UGT3A1: variants seen among roughly 807,000 people sequenced by gnomAD.
The protein encoded by UGT3A1 is UDP glycosyltransferase family 3 member A1.
A neutral mutation model predicts 37.6 loss-of-function variants in UGT3A1; 40 were observed. The ratio of observed to expected loss-of-function variants is 1.06; its 90% CI spans 0.83 to 1.38. UGT3A1 has a LOEUF of 1.38. Ranked by LOEUF, UGT3A1 falls within the 40% of genes most tolerant of loss-of-function variation. The pLI, the probability that UGT3A1 is intolerant of heterozygous loss-of-function variation, is 0.00. For missense variants in UGT3A1, 642 were observed against 634.2 expected, an observed-to-expected ratio of 1.01 and a Z score of -0.13; for synonymous variants, 256 against 232.3, an observed-to-expected ratio of 1.10 and a Z score of -0.93.
rs1739698928 is a variant in UGT3A1 at position 35,964,092 on chromosome 5, AAT to A, written c.843+1292_843+1293del. 8.1e-5 allele frequency among the ~76,000 whole-genome samples: 8 copies of A among 98,912 alleles called. No homozygotes were observed. The Admixed American group carries it at 9.3e-4, about 11-fold the overall frequency. The allele number at this position is 98,912 out of a possible 152,430, so 64.9% of individuals were successfully genotyped here. The stretch of plus-strand genomic sequence containing the variant: ...AATGCCACTGAAGCATACCCTTAAA[AAT>A]GGTTAAAGTGGTATATTTTATATTA... On this transcript the variant is annotated intron_variant, in intron 4 of 6. Transcript: ENST00000274278.
rs781253250 is a variant in UGT3A1 at position 35,957,326 on chromosome 5, G to A, written c.937C>T (p.Leu313Phe). ...MLNTHQSQEV[L>F]KKMHNAFAHL... Reference sequence around the variant, plus strand: ...GCAAAGGCATTGTGCATCTTCTTGAGGACTTCCTGGGACTGATGGGTGTTC... The same window carrying A: ...GCAAAGGCATTGTGCATCTTCTTGAAGACTTCCTGGGACTGATGGGTGTTC... Residue 313 changes from leucine (L) to phenylalanine (F), a missense_variant, in exon 5 of 7, where the codon CTC becomes TTC. Coordinates refer to ENST00000274278, the MANE Select transcript of UGT3A1 (RefSeq NM_152404.4). 6.2e-7 allele frequency: 1 copy of A among 1,614,164 alleles called. No individual in the cohort carries two copies. The highest frequency in any genetic ancestry group is 2.2e-5 in the East Asian group (1 of 44,868).
chr5:35,974,036 C>A (rs1288813814), intron 2 of UGT3A1, among the ~76,000 whole-genome samples: 2 of 152,084 alleles, frequency 1.3e-5, no homozygotes, highest in Non-Finnish European at 2.9e-5. Context: ...TACAAAAACA[C>A]AGACCTCAGA....
intron 2 of UGT3A1, among the ~76,000 whole-genome samples, chr5:35,987,608 A>G (rs1269627156): frequency 2.0e-5 from 3 of 152,190 alleles, no homozygotes; most frequent in Non-Finnish European, 4.4e-5. Flanking sequence ...TCAATCTAGA[A>G]GGTGATCAAA....
At chr5:35,964,680 G>A (rs541864631) in intron 4 of UGT3A1, among the ~76,000 whole-genome samples, 1 of 152,250 alleles carries the variant, frequency 6.6e-6, no homozygotes, top group African/African-American at 2.4e-5. Flanking sequence ...CCTCCCTATA[G>A]ATGTCAAGAT....
chr5:35,958,406 T>C (rs554838873), intron 4 of UGT3A1, among the ~76,000 whole-genome samples: 2 of 152,352 alleles, frequency 1.3e-5, no homozygotes, highest in Admixed American at 6.5e-5. Flanking sequence ...CCCCTCATTC[T>C]ACTGGGTCAT....
chr5:35,977,784 A>G (rs572942460), intron 2 of UGT3A1, among the ~76,000 whole-genome samples: 45 of 152,360 alleles, frequency 3.0e-4, no homozygotes, highest in African/African-American at 1.0e-3. Flanking sequence ...AATTAAAACA[A>G]GGCAAAATAA....
At chr5:35,957,119 G>A in intron 5 of UGT3A1, 69 bp downstream of exon 5, 1 of 1,356,764 alleles carries the variant, frequency 7.4e-7, no homozygotes, top group Non-Finnish European at 1.0e-6. Flanking sequence ...CCCAGCTAGA[G>A]GTCAGAACAC....
chr5:35,976,087 T>A (rs865895378), intron 2 of UGT3A1, among the ~76,000 whole-genome samples: 1 of 152,166 alleles, frequency 6.6e-6, no homozygotes. Context: ...CCTTATGCTC[T>A]TTCAGACTAG....
chr5:35,975,004 A>G (rs996215924), intron 2 of UGT3A1, among the ~76,000 whole-genome samples: 1 of 152,212 alleles, frequency 6.6e-6, no homozygotes, highest in African/African-American at 2.4e-5. Context: ...GGTATGTTAT[A>G]AGACCTATCT....
Position 35,954,371 on chromosome 5 carries a change from G to T in UGT3A1, c.1403C>A (p.Ala468Glu), listed in dbSNP as rs141907677. 4 of 1,614,030 alleles carry T rather than the reference G, an allele frequency of 2.5e-6. No homozygotes were observed. The highest frequency in any genetic ancestry group is 3.3e-5 in the Admixed American group (2 of 60,002). ...GAAGGCATAGGGCTTGAGGTGCGTC[G>T]CTCCCCCAGTCTGGAGGATGTGGTC... Reference protein sequence around the residue: ...WIDHILQTGGATHLKPYAFQQ... With the variant: ...WIDHILQTGGETHLKPYAFQQ... The change falls in exon 7 of 7, where the codon GCG (alanine) becomes GAG (glutamate). Residue 468 changes from alanine (A) to glutamate (E), a missense_variant. By Grantham distance (107) the Ala-to-Glu change is moderately radical. Coordinates refer to ENST00000274278, the MANE Select transcript of UGT3A1 (RefSeq NM_152404.4).
intron 4 of UGT3A1, 122 bp from the exon 5 acceptor site, chr5:35,957,541 G>T: frequency 1.3e-6 from 1 of 774,678 alleles, no homozygotes; most frequent in African/African-American, 1.7e-5. Context: ...TCACTCTCCC[G>T]AAGCTATTAT....
chr5:35,982,045 G>T (rs913575275), intron 2 of UGT3A1, among the ~76,000 whole-genome samples: 1 of 152,252 alleles, frequency 6.6e-6, no homozygotes. Flanking sequence ...GTGGAGTTAG[G>T]CCTACACATG....
chr5:35,983,412 T>A (rs1740607761), intron 2 of UGT3A1, among the ~76,000 whole-genome samples: 6 of 150,596 alleles, frequency 4.0e-5, no homozygotes, highest in Admixed American at 4.0e-4. Flanking sequence ...CATAATAGAG[T>A]CTCTCATTAA....
chr5:35,955,263 G>A (rs1235766242), intron 6 of UGT3A1: 5 of 360,624 alleles, frequency 1.4e-5, no homozygotes, highest in Non-Finnish European at 2.5e-5. Flanking sequence ...GAAGAGAAGG[G>A]AAGGGTGTTC....
chr5:35,978,797 C>T (rs1039382603), intron 2 of UGT3A1, among the ~76,000 whole-genome samples: 2 of 152,150 alleles, frequency 1.3e-5, no homozygotes, highest in Non-Finnish European at 2.9e-5. Context: ...GTCCACAGTC[C>T]AATGTCTCAT....
upstream of UGT3A1, among the ~76,000 whole-genome samples, chr5:35,994,790 C>A (rs1398588417): frequency 6.6e-6 from 1 of 152,146 alleles, no homozygotes; most frequent in African/African-American, 2.4e-5. Context: ...AAAAGGAACT[C>A]TAAGTTATGG....
intron 4 of UGT3A1, among the ~76,000 whole-genome samples, chr5:35,958,095 A>T (rs1171815734): frequency 2.0e-5 from 3 of 152,246 alleles, no homozygotes; most frequent in African/African-American, 7.2e-5. Flanking sequence ...ATTGTTGATG[A>T]TATTTCATAT....
In UGT3A1 at chr5:35,965,349, A is replaced by G. The variant is rs1322843693; in HGVS notation, c.843+37T>C. ...CACCAACTATGCACCCAAGGACTCT[A>G]TGTGAATCCCAAACTGAATGCTGAG... On this transcript the variant is annotated intron_variant, in intron 4 of 6. Coordinates refer to ENST00000274278, the MANE Select transcript of UGT3A1 (RefSeq NM_152404.4). The G allele has an allele frequency of 3.1e-6, 5 of 1,598,556 alleles. No homozygotes were observed. In the South Asian group the frequency reaches 3.4e-5, roughly 11 times the overall value.
chr5:35,977,467 G>T (rs1173839536), intron 2 of UGT3A1, among the ~76,000 whole-genome samples: 2 of 152,184 alleles, frequency 1.3e-5, no homozygotes, highest in Non-Finnish European at 2.9e-5. Context: ...GATACCTCAT[G>T]GACAGCTTGG....
Sources: gnomAD v4.1 joint callset for allele counts (sites outside exome capture counted in the v4.1 genomes callset) on GRCh38, gnomAD v4.1.1 for gene constraint, MANE v1.5 for transcripts, NCBI Gene and HGNC (gene_info 2026-07-23, HGNC 2026-07-21) for gene names.